PPEF1: variants seen among roughly 807,000 people sequenced by gnomAD.
The protein encoded by PPEF1 is protein phosphatase with EF-hand domain 1, also known as serine/threonine-protein phosphatase with EF-hands 1.
Under a neutral mutation model 53.3 loss-of-function variants are expected in PPEF1, and 12 were observed. The observed-to-expected ratio is 0.23, with a 90% CI of 0.14 to 0.36. PPEF1 has a LOEUF of 0.36. Ranked by LOEUF, PPEF1 falls within the 10% of genes least tolerant of loss-of-function variation. The pLI, the probability that PPEF1 is intolerant of heterozygous loss-of-function variation, is 1.00. For missense variants in PPEF1, 334 were observed against 490.4 expected (o/e 0.68, Z 3.01); for synonymous variants, 165 against 176.7 (o/e 0.93, Z 0.52).
rs755131695 is a variant in PPEF1 at position 18,708,915 on chromosome X, A to T, written c.46+1089A>T. On this transcript the variant is annotated intron_variant, in intron 1 of 15. Coordinates refer to ENST00000470157, the MANE Select transcript of PPEF1 (RefSeq NM_001377996.1). ...GAGAAATTATCTTTTTATATCTAGG[A>T]TTACTCACAGTTCTTTAAATTTAGC... Among the ~76,000 whole-genome samples, 7 of 110,874 alleles carry T rather than the reference A, an allele frequency of 6.3e-5. No homozygotes were observed. The East Asian group carries it at 2.0e-3, about 31-fold the overall frequency.
At chrX:18,826,445 T>TTTTTTTG (rs2047167519) in intron 15 of PPEF1, among the ~76,000 whole-genome samples, 1 of 57,638 alleles carries the variant, frequency 1.7e-5, no homozygotes, top group African/African-American at 6.1e-5. Flanking sequence ...TTTTTTTTTT[T>TTTTTTTG]GCGACAGAGT....
chrX:18,760,429 C>T (rs917936526), intron 5 of PPEF1, among the ~76,000 whole-genome samples: 1 of 111,027 alleles, frequency 9.0e-6, no homozygotes, highest in East Asian at 2.8e-4. Flanking sequence ...ATTAAAAACA[C>T]GGCTTTAAAA....
upstream of PPEF1, among the ~76,000 whole-genome samples, chrX:18,679,471 C>A (rs776200255): frequency 2.1e-4 from 23 of 111,622 alleles, 1 homozygote; most frequent in Admixed American, 1.9e-3. Flanking sequence ...TTTTCTTACA[C>A]CCCCAGTGTA....
At chrX:18,713,420 C>CTTTTTTTT (rs55997147) in intron 1 of PPEF1, among the ~76,000 whole-genome samples, 69 of 77,473 alleles carry the variant, frequency 8.9e-4, no homozygotes, top group East Asian at 1.3e-3. Flanking sequence ...CCTTAAAATT[C>CTTTTTTTT]TTTTTTTTTT....
intron 1 of PPEF1, among the ~76,000 whole-genome samples, 172 bp downstream of exon 1, chrX:18,707,998 A>G (rs1362477293): frequency 8.9e-6 from 1 of 112,498 alleles, no homozygotes; most frequent in African/African-American, 3.2e-5. Flanking sequence ...GTAGCTTTGA[A>G]TTTATGAAGT....
chrX:18,760,777 ATTTTTTTTTT>A (rs35558454), intron 5 of PPEF1, among the ~76,000 whole-genome samples: 1 of 74,065 alleles, frequency 1.4e-5, no homozygotes, highest in Admixed American at 1.6e-4. Flanking sequence ...AAACCTGGCA[ATTTTTTTTTT>A]TTTTTTTTTT....
chrX:18,797,951 C>T (rs1381991767), intron 10 of PPEF1, among the ~76,000 whole-genome samples: 2 of 111,309 alleles, frequency 1.8e-5, no homozygotes, highest in East Asian at 5.6e-4. Flanking sequence ...GCCTCGGCCT[C>T]CCAAAGTGCT....
chrX:18,709,599 G>A (rs1429182274), intron 1 of PPEF1, among the ~76,000 whole-genome samples: 1 of 107,559 alleles, frequency 9.3e-6, no homozygotes, highest in Non-Finnish European at 1.9e-5. Flanking sequence ...CCAGGTTCAA[G>A]CGATTCTCCT....
intron 2 of PPEF1, among the ~76,000 whole-genome samples, chrX:18,733,467 G>A (rs1055429313): frequency 8.9e-6 from 1 of 112,021 alleles, no homozygotes; most frequent in African/African-American, 3.2e-5. Context: ...TTTGTCCCTG[G>A]CAGAGGCAAG....
chrX:18,820,950 G>A (rs187709071), intron 13 of PPEF1, among the ~76,000 whole-genome samples: 2 of 110,366 alleles, frequency 1.8e-5, no homozygotes, highest in Admixed American at 9.7e-5. Context: ...CCGGCCAGAC[G>A]TGGTGGCTCA....
At chrX:18,787,657 T>C (rs2046233234) in intron 9 of PPEF1, among the ~76,000 whole-genome samples, 1 of 108,068 alleles carries the variant, frequency 9.3e-6, no homozygotes, top group Non-Finnish European at 1.9e-5. Flanking sequence ...CGGTGGCTCA[T>C]GCCTATAGTC....
chrX:18,710,985 AGT>A (rs575049156), intron 1 of PPEF1, among the ~76,000 whole-genome samples: 5 of 106,590 alleles, frequency 4.7e-5, no homozygotes, highest in African/African-American at 1.4e-4. Flanking sequence ...TGTATATGTA[AGT>A]GTGTGTGTGT....
At chrX:18,815,398 A>G (rs1429590977) in intron 12 of PPEF1, among the ~76,000 whole-genome samples, 2 of 112,008 alleles carry the variant, frequency 1.8e-5, no homozygotes, top group Admixed American at 9.6e-5. Context: ...AGAGTTTGTG[A>G]GTGATTGGCA....
intron 5 of PPEF1, among the ~76,000 whole-genome samples, chrX:18,761,072 C>T (rs2045654210): frequency 9.0e-6 from 1 of 111,278 alleles, no homozygotes; most frequent in Non-Finnish European, 1.9e-5. Flanking sequence ...TGAGCCATCA[C>T]ACCCAGCCAA....
chrX:18,706,212 T>TG (rs1258868310), upstream of PPEF1, among the ~76,000 whole-genome samples: 4 of 75,313 alleles, frequency 5.3e-5, no homozygotes, highest in East Asian at 1.4e-3. Flanking sequence ...AGTGAGACCC[T>TG]GTCTGAAAAA....
chrX:18,727,425 A>G (rs1214701748), intron 1 of PPEF1, among the ~76,000 whole-genome samples: 1 of 111,313 alleles, frequency 9.0e-6, no homozygotes, highest in African/African-American at 3.3e-5. Flanking sequence ...GCCACTGCCA[A>G]TTATTTGCTT....
intron 1 of PPEF1, among the ~76,000 whole-genome samples, chrX:18,728,295 A>G (rs755512207): frequency 2.7e-5 from 3 of 110,960 alleles, no homozygotes; most frequent in Non-Finnish European, 5.7e-5. Flanking sequence ...AGTTTAATGG[A>G]CTTATGGTTC....
At chrX:18,760,777 A>ATTTTTT (rs35558454) in intron 5 of PPEF1, among the ~76,000 whole-genome samples, 2 of 74,031 alleles carry the variant, frequency 2.7e-5, no homozygotes, top group African/African-American at 5.4e-5. Flanking sequence ...AAACCTGGCA[A>ATTTTTT]TTTTTTTTTT....
chrX:18,791,733 G>A (rs916728470), intron 10 of PPEF1, among the ~76,000 whole-genome samples: 12 of 111,587 alleles, frequency 1.1e-4, no homozygotes, highest in African/African-American at 3.9e-4. Flanking sequence ...TTGAATAAAA[G>A]TGAAGAGAGT....
Sources: allele counts gnomAD v4.1 joint callset (sites outside exome capture counted in the v4.1 genomes callset), GRCh38; gene constraint gnomAD v4.1.1; transcripts MANE v1.5; gene names NCBI Gene and HGNC (gene_info 2026-07-23, HGNC 2026-07-21).